DYNLT5: variants seen among roughly 807,000 people sequenced by gnomAD.
DYNLT5 encodes dynein light chain Tctex-type 5.
DYNLT5 carries 25 observed loss-of-function variants against 19.3 expected under a neutral mutation model. That is an observed-to-expected ratio of 1.30 (90% CI 0.95 to 1.81). DYNLT5 has a LOEUF of 1.81. DYNLT5 is among the 40% of genes most tolerant of loss of function. The pLI is 0.00. For synonymous variants in DYNLT5, 82 were observed against 68.9 expected, an observed-to-expected ratio of 1.19 and a Z score of -0.94; for missense variants, 232 against 217.9, an observed-to-expected ratio of 1.06 and a Z score of -0.41.
chr1:66,762,331 CT>C (rs2150862210), intron 2 of DYNLT5, among the ~76,000 whole-genome samples: 1 of 152,266 alleles, frequency 6.6e-6, no homozygotes, highest in Non-Finnish European at 1.5e-5. Context: ...CTTTCTAGCT[CT>C]TTGAATCTAT....
At chr1:66,774,568 T>G (rs1211136388) in intron 3 of DYNLT5, among the ~76,000 whole-genome samples, 2 of 152,110 alleles carry the variant, frequency 1.3e-5, no homozygotes, top group Non-Finnish European at 2.9e-5. Flanking sequence ...GTTCAGCCAG[T>G]GGGAAACCTC....
chr1:66,765,557 G>A (rs970626341), intron 2 of DYNLT5, among the ~76,000 whole-genome samples: 5 of 151,868 alleles, frequency 3.3e-5, no homozygotes, highest in Admixed American at 3.3e-4. Context: ...AGACTGGTCA[G>A]CAAGCAAATT....
intron 2 of DYNLT5, among the ~76,000 whole-genome samples, chr1:66,761,665 G>C (rs1003074365): frequency 6.6e-6 from 1 of 152,170 alleles, no homozygotes; most frequent in Non-Finnish European, 1.5e-5. Flanking sequence ...TGTAGTCCTA[G>C]GTACTTGGGA....
Position 66,777,656 on chromosome 1 carries a change from G to A in DYNLT5, c.*202G>A. ...ACAGAAAGAATCTTGTTTATCTAAA[G>A]CAGGAACTTGATCTTGGTTTTGCTG... On this transcript the variant is annotated 3_prime_UTR_variant, in exon 5 of 5. Transcript: ENST00000282670. 1 of 430,176 alleles carries A rather than the reference G, an allele frequency of 2.3e-6. No homozygotes were observed. Among genetic ancestry groups the A allele is most frequent in the Non-Finnish European group, 4.1e-6 (1 of 242,676 alleles). The allele number at this position is 430,176 out of a possible 1,614,324, so 26.6% of individuals were successfully genotyped here.
intron 2 of DYNLT5, chr1:66,755,728 A>G (rs914363677): frequency 5.9e-5 from 9 of 152,210 alleles, no homozygotes; most frequent in African/African-American, 2.2e-4. Flanking sequence ...CAGGTGGGAA[A>G]CTGACTATAA....
At chr1:66,776,160 TAG>T in intron 3 of DYNLT5, 117 bp from the exon 4 acceptor site, 1 of 1,327,548 alleles carries the variant, frequency 7.5e-7, no homozygotes, top group Non-Finnish European at 1.0e-6. Flanking sequence ...TTTCTTTCAA[TAG>T]AGTCCACCCA....
At chr1:66,758,573 G>C (rs1157564511) in intron 2 of DYNLT5, among the ~76,000 whole-genome samples, 3 of 152,170 alleles carry the variant, frequency 2.0e-5, no homozygotes, top group African/African-American at 2.4e-5. Context: ...TAACATACCA[G>C]TTAGGCCACA....
chr1:66,774,312 C>T (rs979834027), intron 3 of DYNLT5, among the ~76,000 whole-genome samples: 1 of 152,108 alleles, frequency 6.6e-6, no homozygotes, highest in African/African-American at 2.4e-5. Flanking sequence ...AAAAGACTCT[C>T]ATTGTCCTGG....
Position 66,777,567 on chromosome 1 carries a change from A to C in DYNLT5, c.*113A>C. 1 of 849,618 alleles carries C rather than the reference A, an allele frequency of 1.2e-6. No individual in the cohort carries two copies. The highest frequency in any genetic ancestry group is 1.7e-6 in the Non-Finnish European group (1 of 575,938). 52.6% of individuals were successfully genotyped at this position (849,618 alleles called of 1,614,324 possible). A position where few individuals can be genotyped will look rare whatever the true frequency, so the allele number is the denominator to read the frequency against. Reference sequence around the variant, plus strand: ...GAGAAAGAAACAACACTGATATTTCAAGCAACTGGAAGCTTTTGAATTTTT... The same window carrying C: ...GAGAAAGAAACAACACTGATATTTCCAGCAACTGGAAGCTTTTGAATTTTT... On this transcript the variant is annotated 3_prime_UTR_variant, in exon 5 of 5. Transcript: ENST00000282670.
chr1:66,772,360 C>T lies in DYNLT5; in HGVS notation c.211+1882C>T, dbSNP rs115634125. Among the ~76,000 whole-genome samples, 761 of 152,300 alleles carry T rather than the reference C, an allele frequency of 5.0e-3. 3 individuals carry two copies. Among genetic ancestry groups the T allele is most frequent in the African/African-American group, 0.018 (732 of 41,560 alleles). Reference sequence around the variant, plus strand: ...GTGCCAGGCTGTTTTAAACACCCAGCTCTCATGTGAACTAATAGAGGAAGA... The same window carrying T: ...GTGCCAGGCTGTTTTAAACACCCAGTTCTCATGTGAACTAATAGAGGAAGA... On this transcript the variant is annotated intron_variant, in intron 3 of 4. Coordinates refer to ENST00000282670, the MANE Select transcript of DYNLT5 (RefSeq NM_152665.3).
At position 66,778,293 on chromosome 1, in the gene DYNLT5, G is replaced by A. The variant is rs1184856205; in HGVS notation, c.*839G>A. On this transcript the variant is annotated 3_prime_UTR_variant, in exon 5 of 5. Coordinates refer to ENST00000282670, the MANE Select transcript of DYNLT5 (RefSeq NM_152665.3). ...AACTTTTTCACAAAATATATGGCTG[G>A]CACCTTAACAAATAAAGCATGTGTA... 2 of 152,482 alleles carry A rather than the reference G, an allele frequency of 1.3e-5. No homozygotes were observed. The highest frequency in any genetic ancestry group is 2.9e-5 in the Non-Finnish European group (2 of 68,008). 9.4% of individuals were successfully genotyped at this position (152,482 alleles called of 1,614,324 possible).
Position 66,776,358 on chromosome 1 carries a change from A to G in DYNLT5, c.291A>G (p.Glu97=). 1 of 1,613,354 alleles carries G rather than the reference A, an allele frequency of 6.2e-7. No homozygotes were observed. Among genetic ancestry groups the G allele is most frequent in the Non-Finnish European group, 8.5e-7 (1 of 1,179,622 alleles). ...TAACCAGCTATCTACAAGTAGAAGA[A>G]TATGAACCAGAGCTCTGTAGACAGA... ...DVVTSYLQVE[E]YEPELCRQMT... The change falls in exon 4 of 5, where the codon GAA becomes GAG. Residue 97 remains glutamate (E), a synonymous_variant. Transcript: ENST00000282670.
At chr1:66,771,002 A>G (rs1645200946) in intron 3 of DYNLT5, 1 of 164,532 alleles carries the variant, frequency 6.1e-6, no homozygotes, top group Non-Finnish European at 1.3e-5. Context: ...ATCTTTTCCC[A>G]TCCATGTTTC....
intron 3 of DYNLT5, 75 bp from the exon 4 acceptor site, chr1:66,776,204 T>C: frequency 6.5e-7 from 1 of 1,533,214 alleles, no homozygotes; most frequent in Non-Finnish European, 8.8e-7. Context: ...TTCCATACTC[T>C]TTTGATTAGC....
At chr1:66,765,513 A>G (rs1024807044) in intron 2 of DYNLT5, among the ~76,000 whole-genome samples, 1 of 152,228 alleles carries the variant, frequency 6.6e-6, no homozygotes, top group Non-Finnish European at 1.5e-5. Flanking sequence ...GTCATAATAA[A>G]AAGACATGCC....
intron 3 of DYNLT5, among the ~76,000 whole-genome samples, chr1:66,772,166 T>C (rs1360800973): frequency 6.6e-6 from 1 of 152,204 alleles, no homozygotes; most frequent in Non-Finnish European, 1.5e-5. Context: ...AAGAAATACC[T>C]GAGACTGTAA....
At chr1:66,773,657 A>T (rs893279322) in intron 3 of DYNLT5, among the ~76,000 whole-genome samples, 1 of 152,188 alleles carries the variant, frequency 6.6e-6, no homozygotes, top group Non-Finnish European at 1.5e-5. Flanking sequence ...TAACAAAAAA[A>T]AATGTAGTAA....
Position 66,770,444 on chromosome 1 carries a change from C to A in DYNLT5, c.177C>A (p.Arg59=). 6.2e-7 allele frequency: 1 copy of A among 1,613,418 alleles called. No homozygotes were observed. ...CCAGTCAGCGTGATGATATCTCTCG[C>A]CTTACAGTTCAGATGGAAAACACCT... ...EEPSQRDDIS[R]LTVQMENTYQ... is the part of the protein sequence containing the mutation. The change falls in exon 3 of 5, where the codon CGC becomes CGA. Residue 59 remains arginine (R), a synonymous_variant. Coordinates refer to ENST00000282670, the MANE Select transcript of DYNLT5 (RefSeq NM_152665.3).
rs550012144 is a variant in DYNLT5, at chr1:66,778,712, T to A, written c.*1258T>A. ...GTCTTACTTTTCCCTAAAAATGACA[T>A]GTAGTAAAAAATGGATACTTTTAAA... is the stretch of plus-strand genomic sequence containing the variant. On this transcript the variant is annotated 3_prime_UTR_variant, in exon 5 of 5. Coordinates refer to ENST00000282670, the MANE Select transcript of DYNLT5 (RefSeq NM_152665.3). The A allele has an allele frequency of 1.3e-5, 2 of 152,530 alleles. No homozygotes were observed. Among genetic ancestry groups the A allele is most frequent in the Non-Finnish European group, 2.9e-5 (2 of 68,026 alleles). 9.4% of individuals were successfully genotyped at this position (152,530 alleles called of 1,614,324 possible). A position where few individuals can be genotyped will look rare whatever the true frequency, so the allele number is the denominator to read the frequency against.
Sources: allele counts gnomAD v4.1 joint callset (sites outside exome capture counted in the v4.1 genomes callset), GRCh38; gene constraint gnomAD v4.1.1; transcripts MANE v1.5; gene names NCBI Gene and HGNC (gene_info 2026-07-23, HGNC 2026-07-21).